The following TDRD3 variants were observed in gnomAD, a reference collection of about 807,000 sequenced individuals.
TDRD3 encodes the protein tudor domain-containing protein 3.
TDRD3 carries 45 observed loss-of-function variants against 86.7 expected under a neutral mutation model. That is an observed-to-expected ratio of 0.52 (90% CI 0.41 to 0.67). TDRD3 has a LOEUF of 0.67. TDRD3 is among the 30% of genes least tolerant of loss of function. TDRD3 has a pLI of 0.00. For synonymous variants in TDRD3, 298 were observed against 301.7 expected, an observed-to-expected ratio of 0.99 and a Z score of 0.13; for missense variants, 814 against 889.0, an observed-to-expected ratio of 0.92 and a Z score of 1.07.
At chr13:60,461,745 T>G (rs569033593) in intron 4 of TDRD3, among the ~76,000 whole-genome samples, 1 of 152,258 alleles carries the variant, frequency 6.6e-6, no homozygotes, top group Non-Finnish European at 1.5e-5. Context: ...ATACAAATAT[T>G]GTAAGACATA....
At chr13:60,573,560 A>G (rs1958635136) in intron 13 of TDRD3, 56 bp from the exon 14 acceptor site, 7 of 953,302 alleles carry the variant, frequency 7.3e-6, no homozygotes, top group Non-Finnish European at 8.7e-6. Flanking sequence ...TTGACAAAGT[A>G]TGGAAAAGTT....
chr13:60,549,365 T>A (rs866924724), intron 12 of TDRD3, among the ~76,000 whole-genome samples: 2 of 152,264 alleles, frequency 1.3e-5, no homozygotes, highest in Middle Eastern at 3.4e-3. Flanking sequence ...ATCTGTGTCA[T>A]CATAGTGACT....
intron 1 of TDRD3, among the ~76,000 whole-genome samples, chr13:60,415,562 A>G (rs1322301622): frequency 6.6e-6 from 1 of 152,172 alleles, no homozygotes; most frequent in Non-Finnish European, 1.5e-5. Flanking sequence ...AAACAGACCA[A>G]TGCAATCTTT....
intron 12 of TDRD3, among the ~76,000 whole-genome samples, chr13:60,566,465 A>G (rs879332980): frequency 4.6e-5 from 7 of 152,146 alleles, no homozygotes; most frequent in Admixed American, 1.3e-4. Context: ...CTATGTTATT[A>G]ATAAGGTCAA....
At chr13:60,415,264 C>CT (rs1297804157) in intron 1 of TDRD3, among the ~76,000 whole-genome samples, 2 of 152,020 alleles carry the variant, frequency 1.3e-5, no homozygotes, top group Non-Finnish European at 2.9e-5. Flanking sequence ...TGTTCTGAAA[C>CT]TTTGAGAATT....
intron 1 of TDRD3, among the ~76,000 whole-genome samples, chr13:60,409,193 A>G (rs1358972448): frequency 6.6e-6 from 1 of 152,216 alleles, no homozygotes. Context: ...ATTTCAGAGG[A>G]TGTATGGAAA....
chr13:60,464,931 A>C (rs1295365867), intron 4 of TDRD3, among the ~76,000 whole-genome samples: 1 of 152,218 alleles, frequency 6.6e-6, no homozygotes, highest in Admixed American at 6.5e-5. Context: ...CAAAATAATT[A>C]AAAGAGTAGA....
chr13:60,572,688 C>G (rs1190038378), intron 13 of TDRD3, among the ~76,000 whole-genome samples: 1 of 152,232 alleles, frequency 6.6e-6, no homozygotes, highest in Non-Finnish European at 1.5e-5. Flanking sequence ...TTCCCAGTTT[C>G]ACGTGTTAGT....
At chr13:60,444,928 G>C (rs1339058487) in intron 3 of TDRD3, among the ~76,000 whole-genome samples, 180 bp downstream of exon 3, 1 of 150,924 alleles carries the variant, frequency 6.6e-6, no homozygotes, top group East Asian at 2.0e-4. Flanking sequence ...TCAACTTTTG[G>C]TGACTTTTCA....
At chr13:60,397,735 G>T (rs1405031410) in intron 1 of TDRD3, among the ~76,000 whole-genome samples, 1 of 151,350 alleles carries the variant, frequency 6.6e-6, no homozygotes, top group Non-Finnish European at 1.5e-5. Flanking sequence ...GAGCGCCGGG[G>T]AGGACCTGCA....
chr13:60,450,651 C>T (rs1210743864), intron 3 of TDRD3, among the ~76,000 whole-genome samples: 2 of 151,984 alleles, frequency 1.3e-5, no homozygotes, highest in Admixed American at 1.3e-4. Context: ...TTTAATCAGA[C>T]GGTGTCTGAA....
In TDRD3 at chr13:60,537,951, A is replaced by G. The variant is rs577357539; in HGVS notation, c.2118+2718A>G. 9 of 152,126 alleles carry G rather than the reference A, an allele frequency of 5.9e-5. No individual in the cohort carries two copies. The South Asian group carries it at 1.9e-3, about 31-fold the overall frequency. 9.4% of individuals were successfully genotyped at this position (152,126 alleles called of 1,614,324 possible). On this transcript the variant is annotated intron_variant, in intron 12 of 13. Coordinates refer to ENST00000377881, the MANE Select transcript of TDRD3 (RefSeq NM_001146070.2). ...ATATAAGCCAAAAGCCTTTGTAGAA[A>G]ATTAGTTGCTTGTGTTGTCTTTTAA...
At chr13:60,514,050 TAG>T (rs943057190) in intron 10 of TDRD3, among the ~76,000 whole-genome samples, 45 of 152,314 alleles carry the variant, frequency 3.0e-4, no homozygotes, top group African/African-American at 1.1e-3. Flanking sequence ...TGGAACTCCC[TAG>T]AGACTTGTTG....
At chr13:60,482,780 A>ACAGTGTTTACACTGTT (rs1034232815) in intron 5 of TDRD3, among the ~76,000 whole-genome samples, 1 of 151,554 alleles carries the variant, frequency 6.6e-6, no homozygotes, top group Non-Finnish European at 1.5e-5. Flanking sequence ...TATAAAATAT[A>ACAGTGTTTACACTGTT]CAGTGTTTAC....
At chr13:60,489,521 G>A (rs1311256832) in intron 7 of TDRD3, among the ~76,000 whole-genome samples, 1 of 152,110 alleles carries the variant, frequency 6.6e-6, no homozygotes, top group African/African-American at 2.4e-5. Context: ...TGACACCTTT[G>A]GATGGTTACT....
chr13:60,470,133 A>G lies in TDRD3; in HGVS notation c.495+2754A>G, dbSNP rs550835385. Among the ~76,000 whole-genome samples, 3 of 152,290 alleles carry G rather than the reference A, an allele frequency of 2.0e-5. No individual in the cohort carries two copies. The South Asian group carries it at 6.2e-4, about 32-fold the overall frequency. On this transcript the variant is annotated intron_variant, in intron 5 of 13. Coordinates refer to ENST00000377881, the MANE Select transcript of TDRD3 (RefSeq NM_001146070.2). ...ACTCATATGTGTGGAATCATACAGT[A>G]TATATCTTTTTTGTGCCTGACTTAT...
At chr13:60,418,919 G>T (rs548710822) in intron 1 of TDRD3, among the ~76,000 whole-genome samples, 1 of 152,236 alleles carries the variant, frequency 6.6e-6, no homozygotes, top group South Asian at 2.1e-4. Flanking sequence ...TTGAGTAGTA[G>T]TTCCTGTTTG....
intron 1 of TDRD3, among the ~76,000 whole-genome samples, chr13:60,426,110 C>G (rs1954798990): frequency 1.3e-5 from 2 of 152,118 alleles, no homozygotes; most frequent in Non-Finnish European, 2.9e-5. Context: ...AGAAGGAGAT[C>G]CTGCCGTTTC....
rs770819975 is a variant in TDRD3, at chr13:60,483,825, G to A, written c.546G>A (p.Pro182=). Residue 182 remains proline (P), a synonymous_variant, in exon 6 of 14, where the codon CCG becomes CCA. Coordinates refer to ENST00000377881, the MANE Select transcript of TDRD3 (RefSeq NM_001146070.2). ...RSNIGTEGGP[P]PFVPFGQKCV... is the part of the protein sequence containing the mutation. ...ATATTGGAACTGAAGGTGGACCACC[G>A]CCTTTTGTGCCTTTTGGACAGGTAA... 3.0e-5 allele frequency: 48 copies of A among 1,613,056 alleles called. No homozygotes were observed. The highest frequency in any genetic ancestry group is 4.4e-5 in the South Asian group (4 of 90,970).
Sources: gnomAD v4.1 joint callset for allele counts (sites outside exome capture counted in the v4.1 genomes callset) on GRCh38, gnomAD v4.1.1 for gene constraint, MANE v1.5 for transcripts, NCBI Gene and HGNC (gene_info 2026-07-23, HGNC 2026-07-21) for gene names.